Variants in CTNNA3 observed in about 807,000 individuals in gnomAD.
CTNNA3 encodes catenin alpha-3.
Under a neutral mutation model 95.7 loss-of-function variants are expected in CTNNA3, and 76 were observed. The ratio of observed to expected loss-of-function variants is 0.79; its 90% CI spans 0.66 to 0.96. CTNNA3 has a LOEUF of 0.96. CTNNA3 is among the 40% of genes least tolerant of loss of function. CTNNA3 has a pLI of 0.00. For synonymous variants in CTNNA3, 431 were observed against 374.4 expected (o/e 1.15, Z -1.74); for missense variants, 1,191 against 1,089.8 (o/e 1.09, Z -1.31).
At chr10:65,991,307 C>A (rs1052136491) in intron 15 of CTNNA3, among the ~76,000 whole-genome samples, 2 of 151,934 alleles carry the variant, frequency 1.3e-5, no homozygotes, top group African/African-American at 4.8e-5. Context: ...AAGAATGTCA[C>A]TGATATTTTG....
intron 7 of CTNNA3, among the ~76,000 whole-genome samples, chr10:66,997,857 A>G (rs1851443677): frequency 6.6e-6 from 1 of 152,114 alleles, no homozygotes; most frequent in Non-Finnish European, 1.5e-5. Context: ...ACAGTCATCC[A>G]TTCCACTCCA....
rs548845600 is a variant in CTNNA3, at chr10:66,537,043, T to C, written c.1375-16270A>G. On this transcript the variant is annotated intron_variant, in intron 10 of 17. Transcript: ENST00000433211. Reference sequence around the variant, plus strand: ...GCAAAGCATTTTCTGTCAAACACAGTTTTTACTGAAAAAAAAAAAGACTTA... The same window carrying C: ...GCAAAGCATTTTCTGTCAAACACAGCTTTTACTGAAAAAAAAAAAGACTTA... 5.4e-5 allele frequency among the ~76,000 whole-genome samples: 8 copies of C among 149,358 alleles called. No individual in the cohort carries two copies. The South Asian group carries it at 1.7e-3, about 31-fold the overall frequency.
chr10:66,419,719 C>G (rs1386537973), intron 11 of CTNNA3, among the ~76,000 whole-genome samples: 5 of 152,060 alleles, frequency 3.3e-5, no homozygotes, highest in Non-Finnish European at 7.4e-5. Context: ...GAATAGAAAA[C>G]TCAAAAATAA....
intron 12 of CTNNA3, among the ~76,000 whole-genome samples, chr10:66,342,948 T>C (rs982211552): frequency 6.6e-6 from 1 of 152,024 alleles, no homozygotes. Flanking sequence ...CATTGTTTTA[T>C]TTAATTCTCA....
intron 12 of CTNNA3, among the ~76,000 whole-genome samples, chr10:66,316,434 T>A (rs1564861379): frequency 6.6e-6 from 1 of 152,208 alleles, no homozygotes; most frequent in South Asian, 2.1e-4. Context: ...ATTAATTTTT[T>A]AATTCCAGTT....
chr10:66,229,604 A>G (rs2132005288), intron 13 of CTNNA3, among the ~76,000 whole-genome samples: 1 of 152,158 alleles, frequency 6.6e-6, no homozygotes, highest in Non-Finnish European at 1.5e-5. Flanking sequence ...TTAGTCTGAT[A>G]GGGATTTCCT....
chr10:67,529,849 T>C (rs1840271979), intron 4 of CTNNA3, among the ~76,000 whole-genome samples: 1 of 152,144 alleles, frequency 6.6e-6, no homozygotes, highest in Non-Finnish European at 1.5e-5. Context: ...TCTTGAATTG[T>C]AACTCCCACA....
Position 66,170,241 on chromosome 10 carries a change from C to CTTTTTTTTTT in CTNNA3, c.1885-67002_1885-66993dup, listed in dbSNP as rs57644952. Among the ~76,000 whole-genome samples, 31 of 73,354 alleles carry CTTTTTTTTTT rather than the reference C, an allele frequency of 4.2e-4. 3 individuals are homozygous for CTTTTTTTTTT. Among genetic ancestry groups the CTTTTTTTTTT allele is most frequent in the Admixed American group, 1.4e-3 (8 of 5,756 alleles). 48.1% of individuals were successfully genotyped at this position (73,354 alleles called of 152,430 possible). A position where few individuals can be genotyped will look rare whatever the true frequency, so the allele number is the denominator to read the frequency against. On this transcript the variant is annotated intron_variant, in intron 13 of 17. Transcript: ENST00000433211. ...CCAGTTGCATTCTCCTCCTCATTGT[C>CTTTTTTTTTT]TTTTTTTTTTTTTTTTTTTTTTTTT... is the stretch of plus-strand genomic sequence containing the variant.
At chr10:67,247,362 T>A (rs1158776099) in intron 5 of CTNNA3, among the ~76,000 whole-genome samples, 1 of 152,176 alleles carries the variant, frequency 6.6e-6, no homozygotes, top group Non-Finnish European at 1.5e-5. Flanking sequence ...AGACACTTGC[T>A]GTGAAAAATC....
chr10:66,828,062 T>C (rs527783223), intron 7 of CTNNA3, among the ~76,000 whole-genome samples: 8 of 152,172 alleles, frequency 5.3e-5, no homozygotes, highest in African/African-American at 9.7e-5. Context: ...CAAAAGCAAA[T>C]GAAAAATTCT....
intron 5 of CTNNA3, among the ~76,000 whole-genome samples, chr10:67,505,552 T>C (rs964275329): frequency 6.6e-6 from 1 of 152,190 alleles, no homozygotes; most frequent in Non-Finnish European, 1.5e-5. Context: ...GGAAACATTA[T>C]AATTTCTTCA....
At chr10:66,479,161 A>T (rs1281155715) in intron 11 of CTNNA3, among the ~76,000 whole-genome samples, 18 of 151,920 alleles carry the variant, frequency 1.2e-4, no homozygotes, top group Admixed American at 1.2e-3. Flanking sequence ...CCAACATCTC[A>T]TAAGAACCAC....
At chr10:66,263,428 A>G (rs192423510) in intron 13 of CTNNA3, among the ~76,000 whole-genome samples, 1 of 152,158 alleles carries the variant, frequency 6.6e-6, no homozygotes, top group East Asian at 1.9e-4. Flanking sequence ...CACTATCTAT[A>G]CTGTTTACAA....
intron 6 of CTNNA3, among the ~76,000 whole-genome samples, chr10:67,191,246 T>C (rs1482745436): frequency 2.6e-5 from 4 of 152,016 alleles, no homozygotes; most frequent in African/African-American, 9.7e-5. Flanking sequence ...CTGGAAGTCC[T>C]AGCCAGAGCA....
At chr10:67,420,988 G>A (rs985785282) in intron 5 of CTNNA3, among the ~76,000 whole-genome samples, 1 of 151,954 alleles carries the variant, frequency 6.6e-6, no homozygotes, top group African/African-American at 2.4e-5. Context: ...CAGACACAAG[G>A]TACATGTTAA....
chr10:67,141,427 C>T (rs1860560793), intron 7 of CTNNA3, among the ~76,000 whole-genome samples: 1 of 152,174 alleles, frequency 6.6e-6, no homozygotes, highest in Admixed American at 6.5e-5. Flanking sequence ...CGTCATTCTC[C>T]TAAGCCCAAT....
intron 9 of CTNNA3, among the ~76,000 whole-genome samples, chr10:66,666,513 C>A (rs775169725): frequency 2.4e-4 from 37 of 152,106 alleles, no homozygotes; most frequent in Non-Finnish European, 4.4e-4. Flanking sequence ...CTCTTATATA[C>A]TTGAACATAG....
rs770781583 is a variant in CTNNA3 at position 67,607,091 on chromosome 10, AAGG to A, written c.100-45_100-43del. 19 of 1,458,102 alleles carry A rather than the reference AAGG, an allele frequency of 1.3e-5. No homozygotes were observed. The South Asian group carries it at 1.9e-4, about 15-fold the overall frequency. The allele number at this position is 1,458,102 out of a possible 1,614,324, so 90.3% of individuals were successfully genotyped here. ...ACAAAGTACTAAATTGACAAATTGTAAGGAGAACACAGTCCTGGGATATTACAG... is the reference window on the plus strand; with the variant it reads ...ACAAAGTACTAAATTGACAAATTGTAAGAACACAGTCCTGGGATATTACAG... On this transcript the variant is annotated intron_variant, in intron 2 of 17. Coordinates refer to ENST00000433211, the MANE Select transcript of CTNNA3 (RefSeq NM_013266.4).
At chr10:66,534,064 C>G (rs1267206188) in intron 10 of CTNNA3, among the ~76,000 whole-genome samples, 5 of 152,118 alleles carry the variant, frequency 3.3e-5, no homozygotes, top group Non-Finnish European at 7.4e-5. Context: ...CCAAGTGAAT[C>G]ACCAGGCTTT....
Sources: allele counts gnomAD v4.1 joint callset (sites outside exome capture counted in the v4.1 genomes callset), GRCh38; gene constraint gnomAD v4.1.1; transcripts MANE v1.5; gene names NCBI Gene and HGNC (gene_info 2026-07-23, HGNC 2026-07-21).